Variants in TTLL7 observed in about 807,000 individuals in gnomAD.
The protein encoded by TTLL7 is tubulin tyrosine ligase like 7.
In TTLL7, 53 loss-of-function variants were observed where a neutral mutation model predicts 120.2. The observed-to-expected ratio is 0.44, with a 90% CI of 0.35 to 0.55. TTLL7 has a LOEUF of 0.55. Ranked by LOEUF, TTLL7 falls within the 20% of genes least tolerant of loss-of-function variation. The pLI, the probability that TTLL7 is intolerant of heterozygous loss-of-function variation, is 0.00. For missense variants in TTLL7, 803 were observed against 1,054.7 expected (o/e 0.76, Z 3.31); for synonymous variants, 353 against 351.7 (o/e 1.00, Z -0.04).
intron 20 of TTLL7, among the ~76,000 whole-genome samples, chr1:83,871,573 C>T (rs971507422): frequency 1.3e-5 from 2 of 152,092 alleles, no homozygotes; most frequent in Admixed American, 6.6e-5. Context: ...GGTATCAAAT[C>T]GTTTATTTTC....
intron 14 of TTLL7, chr1:83,912,487 T>C (rs1657766606): frequency 1.3e-5 from 2 of 152,230 alleles, no homozygotes; most frequent in Non-Finnish European, 2.9e-5. Context: ...TTCAGTTGTA[T>C]ACTAGTTGCT....
intron 1 of TTLL7, chr1:83,981,319 C>T (rs2100605567): frequency 6.6e-6 from 1 of 151,550 alleles, no homozygotes; most frequent in Middle Eastern, 3.4e-3. Context: ...ATATATCATG[C>T]AAGTATTTAT....
At chr1:83,912,547 A>G (rs1657769862) in intron 14 of TTLL7, 1 of 152,162 alleles carries the variant, frequency 6.6e-6, no homozygotes, top group African/African-American at 2.4e-5. Context: ...CATACACTAT[A>G]ATGAAATCCT....
chr1:83,892,447 A>AACATATAT (rs1557564118), intron 18 of TTLL7, among the ~76,000 whole-genome samples: 12 of 56,506 alleles, frequency 2.1e-4, no homozygotes, highest in African/African-American at 6.4e-4. Flanking sequence ...TGAACATATG[A>AACATATAT]ATGAACATAT....
At chr1:83,951,285 C>T (rs1571288225) in intron 3 of TTLL7, among the ~76,000 whole-genome samples, 1 of 151,566 alleles carries the variant, frequency 6.6e-6, no homozygotes, top group Non-Finnish European at 1.5e-5. Flanking sequence ...GGAGACGGAG[C>T]TTGCAGTGAG....
intron 9 of TTLL7, among the ~76,000 whole-genome samples, chr1:83,930,469 G>A (rs746794335): frequency 6.6e-6 from 1 of 152,032 alleles, no homozygotes; most frequent in African/African-American, 2.4e-5. Context: ...GCTTGAAAAC[G>A]GCAATAACAT....
rs1379783488 is a variant in TTLL7 at position 83,867,819 on chromosome 1, GGT to G, written c.*2141_*2142del. ...CTTATTACTTGTTGATCATCTTTAT[GGT>G]GATTCTGTAATATCCCAATTTTTGC... On this transcript the variant is annotated 3_prime_UTR_variant, in exon 21 of 21. Coordinates refer to ENST00000260505, the MANE Select transcript of TTLL7 (RefSeq NM_024686.6). 2.6e-5 allele frequency: 4 copies of G among 151,732 alleles called. No homozygotes were observed. The highest frequency in any genetic ancestry group is 6.6e-5 in the Admixed American group (1 of 15,218). 9.4% of individuals were successfully genotyped at this position (151,732 alleles called of 1,614,324 possible).
intron 19 of TTLL7, among the ~76,000 whole-genome samples, chr1:83,884,488 T>C (rs539053670): frequency 2.5e-4 from 38 of 151,854 alleles, no homozygotes; most frequent in Non-Finnish European, 4.7e-4. Context: ...TGGCCCCAAA[T>C]AGACAGCATG....
intron 20 of TTLL7, among the ~76,000 whole-genome samples, chr1:83,876,386 A>G (rs997021459): frequency 2.6e-5 from 4 of 151,906 alleles, no homozygotes; most frequent in African/African-American, 9.7e-5. Context: ...ATATTGCTCT[A>G]TTTCAAGATT....
chr1:83,998,983 C>G lies in TTLL7; in HGVS notation c.-229G>C. 1 of 443,048 alleles carries G rather than the reference C, an allele frequency of 2.3e-6. No individual in the cohort carries two copies. Among genetic ancestry groups the G allele is most frequent in the Non-Finnish European group, 4.5e-6 (1 of 222,516 alleles). The allele number at this position is 443,048 out of a possible 1,614,324, so 27.4% of individuals were successfully genotyped here. On this transcript the variant is annotated 5_prime_UTR_variant, in exon 1 of 21. Coordinates refer to ENST00000260505, the MANE Select transcript of TTLL7 (RefSeq NM_024686.6). The stretch of plus-strand genomic sequence containing the variant: ...CTCGCGTCCCCGCTGCAAGCGGTCC[C>G]CCAGGTGCTCCCGCGCCTCGCAGCT...
intron 1 of TTLL7, among the ~76,000 whole-genome samples, chr1:83,966,206 A>G (rs890513869): frequency 6.6e-6 from 1 of 152,094 alleles, no homozygotes; most frequent in Non-Finnish European, 1.5e-5. Context: ...ACCCACATGA[A>G]AGAGAGGATT....
intron 6 of TTLL7, chr1:83,946,323 T>C (rs1432033105): frequency 6.6e-6 from 1 of 152,116 alleles, no homozygotes; most frequent in African/African-American, 2.4e-5. Flanking sequence ...AGTGCTGGGA[T>C]TATAGGTGTG....
At chr1:83,982,930 T>C (rs1343307486) in intron 1 of TTLL7, among the ~76,000 whole-genome samples, 2 of 152,136 alleles carry the variant, frequency 1.3e-5, no homozygotes, top group Non-Finnish European at 2.9e-5. Context: ...CAAAATAGCA[T>C]GGTAATGGTA....
At chr1:83,905,570 TAA>T (rs566842188) in intron 17 of TTLL7, among the ~76,000 whole-genome samples, 1 of 143,802 alleles carries the variant, frequency 7.0e-6, no homozygotes, top group Non-Finnish European at 1.5e-5. Flanking sequence ...ATTATATCTG[TAA>T]AAAAAAAAAT....
chr1:83,878,422 T>C (rs945706512), intron 20 of TTLL7, among the ~76,000 whole-genome samples: 3 of 151,958 alleles, frequency 2.0e-5, no homozygotes, highest in African/African-American at 7.2e-5. Flanking sequence ...CTGTCAACTT[T>C]TGCTTTGCAA....
intron 17 of TTLL7, 100 bp downstream of exon 17, chr1:83,906,229 A>T (rs1405751290): frequency 1.0e-6 from 1 of 976,270 alleles, no homozygotes; most frequent in Non-Finnish European, 1.6e-6. Context: ...TAAATTTACT[A>T]TGTCACTGAG....
chr1:83,870,570 A>G (rs1407629866), intron 20 of TTLL7, among the ~76,000 whole-genome samples: 1 of 152,240 alleles, frequency 6.6e-6, no homozygotes, highest in Non-Finnish European at 1.5e-5. Context: ...TAATTAGAAT[A>G]TAAATTTTAT....
intron 1 of TTLL7, among the ~76,000 whole-genome samples, chr1:83,965,809 G>C (rs961933809): frequency 5.3e-5 from 8 of 152,020 alleles, no homozygotes; most frequent in Non-Finnish European, 8.8e-5. Context: ...CTCATCAGCA[G>C]ATCTGACTTC....
chr1:83,942,825 T>G, intron 6 of TTLL7, 146 bp from the exon 7 acceptor site: 1 of 612,720 alleles, frequency 1.6e-6, no homozygotes, highest in Non-Finnish European at 2.8e-6. Flanking sequence ...CAAAAGAAAT[T>G]ATAGGAATCA....
Sources: gnomAD v4.1 joint callset for allele counts (sites outside exome capture counted in the v4.1 genomes callset) on GRCh38, gnomAD v4.1.1 for gene constraint, MANE v1.5 for transcripts, NCBI Gene and HGNC (gene_info 2026-07-23, HGNC 2026-07-21) for gene names.